USP34: variants seen among roughly 807,000 people sequenced by gnomAD.
The protein encoded by USP34 is ubiquitin specific peptidase 34, also known as ubiquitin carboxyl-terminal hydrolase 34.
A neutral mutation model predicts 460.3 loss-of-function variants in USP34; 70 were observed. That is an observed-to-expected ratio of 0.15 (90% CI 0.13 to 0.19). The LOEUF (loss-of-function observed/expected upper bound fraction) is 0.19. Among genes scored for constraint, USP34 ranks in the 10% least tolerant of loss-of-function variants. The pLI, the probability that USP34 is intolerant of heterozygous loss-of-function variation, is 1.00. For synonymous variants in USP34, 1,647 were observed against 1,405.3 expected (o/e 1.17, Z -3.85); for missense variants, 3,985 against 4,236.2 (o/e 0.94, Z 1.65).
At chr2:61,374,164 A>C (rs1338443371) in intron 8 of USP34, among the ~76,000 whole-genome samples, 17 of 151,226 alleles carry the variant, frequency 1.1e-4, no homozygotes, top group South Asian at 6.2e-4. Flanking sequence ...TCAGGGAAAA[A>C]AAAAAAAAAA....
At chr2:61,192,825 C>A in intron 76 of USP34, 76 bp downstream of exon 76, 1 of 1,256,396 alleles carries the variant, frequency 8.0e-7, no homozygotes, top group Non-Finnish European at 1.1e-6. Context: ...AAGTCTTCAA[C>A]CCACTGTTCC....
chr2:61,444,012 T>G (rs1317069720), intron 1 of USP34, among the ~76,000 whole-genome samples: 3 of 152,176 alleles, frequency 2.0e-5, no homozygotes, highest in African/African-American at 7.2e-5. Flanking sequence ...GGCTCATGCC[T>G]GTAACCCTAG....
At chr2:61,192,209 C>T (rs1432298751) in intron 76 of USP34, among the ~76,000 whole-genome samples, 1 of 152,206 alleles carries the variant, frequency 6.6e-6, no homozygotes, top group Non-Finnish European at 1.5e-5. Context: ...TGGGGTAGAG[C>T]AGATGCAACC....
intron 1 of USP34, among the ~76,000 whole-genome samples, chr2:61,431,116 T>C (rs1694664416): frequency 6.6e-6 from 1 of 152,198 alleles, no homozygotes; most frequent in South Asian, 2.1e-4. Flanking sequence ...AGGGAGAGAT[T>C]GGTTAATGAA....
chr2:61,354,769 C>T (rs1380197806), intron 10 of USP34, among the ~76,000 whole-genome samples: 1 of 152,152 alleles, frequency 6.6e-6, no homozygotes, highest in African/African-American at 2.4e-5. Flanking sequence ...AAGCCTGGAG[C>T]CTGGGCCCAG....
intron 10 of USP34, among the ~76,000 whole-genome samples, chr2:61,356,462 C>T (rs1413019414): frequency 1.3e-5 from 2 of 148,648 alleles, no homozygotes; most frequent in Middle Eastern, 6.8e-3. Flanking sequence ...AGCACTCCAG[C>T]CTGGGTGAAA....
intron 10 of USP34, among the ~76,000 whole-genome samples, chr2:61,362,165 G>C (rs1692295399): frequency 6.6e-6 from 1 of 152,142 alleles, no homozygotes; most frequent in Non-Finnish European, 1.5e-5. Flanking sequence ...ATAAATGTTA[G>C]CAAGAAATGT....
chr2:61,193,085 A>C (rs1319683906), intron 75 of USP34, 105 bp from the exon 76 acceptor site: 1 of 823,396 alleles, frequency 1.2e-6, no homozygotes, highest in Non-Finnish European at 1.9e-6. Flanking sequence ...TCATAACTGC[A>C]TATTTTCTAT....
At chr2:61,236,474 T>C (rs1360429418) in intron 53 of USP34, 85 bp from the exon 54 acceptor site, 1 of 1,011,534 alleles carries the variant, frequency 9.9e-7, no homozygotes, top group East Asian at 2.6e-5. Flanking sequence ...AAAAGTCTCT[T>C]CTAAAAAACC....
rs1372955107 is a variant in USP34 at position 61,187,942 on chromosome 2, G to A, written c.*160C>T. Reference sequence around the variant, plus strand: ...CTGAAGATGCAAGTTTTTTTCATCTGGAGTTCTGCCTGACCAAGAATTAAG... The same window carrying A: ...CTGAAGATGCAAGTTTTTTTCATCTAGAGTTCTGCCTGACCAAGAATTAAG... On this transcript the variant is annotated 3_prime_UTR_variant, in exon 80 of 80. Transcript: ENST00000398571. 1.4e-6 allele frequency: 2 copies of A among 1,432,272 alleles called. No homozygotes were observed. Among genetic ancestry groups the A allele is most frequent in the Middle Eastern group, 1.8e-4 (1 of 5,476 alleles). 88.7% of individuals were successfully genotyped at this position (1,432,272 alleles called of 1,614,324 possible). A position where few individuals can be genotyped will look rare whatever the true frequency, so the allele number is the denominator to read the frequency against.
At chr2:61,376,575 C>A (rs146847973) in intron 8 of USP34, among the ~76,000 whole-genome samples, 11 of 152,144 alleles carry the variant, frequency 7.2e-5, no homozygotes, top group African/African-American at 2.7e-4. Context: ...TCTCTTTAAG[C>A]GGTCTCGCGG....
At chr2:61,319,142 A>C (rs1465517629) in intron 22 of USP34, 31 bp downstream of exon 22, 2 of 1,527,938 alleles carry the variant, frequency 1.3e-6, no homozygotes, top group South Asian at 1.3e-5. Context: ...AACATGGAAA[A>C]ATAATAACAA....
intron 1 of USP34, among the ~76,000 whole-genome samples, chr2:61,421,956 A>G (rs1028824576): frequency 6.6e-6 from 1 of 152,218 alleles, no homozygotes; most frequent in East Asian, 1.9e-4. Context: ...GGGTTTAAAA[A>G]AAAATTACCT....
At chr2:61,374,638 C>G (rs915557175) in intron 8 of USP34, among the ~76,000 whole-genome samples, 1 of 151,394 alleles carries the variant, frequency 6.6e-6, no homozygotes, top group Non-Finnish European at 1.5e-5. Flanking sequence ...TGAGAGACTA[C>G]TTGCTCTGTT....
intron 48 of USP34, among the ~76,000 whole-genome samples, chr2:61,254,562 A>G (rs1558493272): frequency 2.0e-5 from 3 of 152,270 alleles, no homozygotes; most frequent in Admixed American, 1.3e-4. Context: ...AACTAACTGC[A>G]TAAGATGCTC....
intron 57 of USP34, among the ~76,000 whole-genome samples, chr2:61,235,081 A>AG (rs749763647): frequency 1.3e-4 from 20 of 152,300 alleles, no homozygotes; most frequent in Middle Eastern, 6.8e-3. Flanking sequence ...CTAAGGGAGG[A>AG]GATCTTGTGT....
Position 61,343,691 on chromosome 2 carries a change from G to A in USP34, c.2500+124C>T, listed in dbSNP as rs1338777048. The A allele has an allele frequency of 4.1e-6, 4 of 976,454 alleles. No individual in the cohort carries two copies. In the South Asian group the frequency reaches 5.3e-5, roughly 13 times the overall value. The allele number at this position is 976,454 out of a possible 1,614,324, so 60.5% of individuals were successfully genotyped here. A position where few individuals can be genotyped will look rare whatever the true frequency, so the allele number is the denominator to read the frequency against. ...GGGGGAAAAAAAAAAACTACCATAT[G>A]TAAGTTATTTTGACAAAAACATTTA... On this transcript the variant is annotated intron_variant, in intron 16 of 79. Transcript: ENST00000398571.
At chr2:61,389,988 G>A (rs552076399) in intron 5 of USP34, among the ~76,000 whole-genome samples, 1 of 152,032 alleles carries the variant, frequency 6.6e-6, no homozygotes, top group African/African-American at 2.4e-5. Context: ...CTAGTAAAGA[G>A]ATATCAAAAA....
intron 8 of USP34, among the ~76,000 whole-genome samples, chr2:61,375,344 A>T (rs1259379140): frequency 6.6e-6 from 1 of 152,230 alleles, no homozygotes; most frequent in Non-Finnish European, 1.5e-5. Context: ...GACAGCTCCA[A>T]TGAAAGTTAA....
Sources: gnomAD v4.1 joint callset for allele counts (sites outside exome capture counted in the v4.1 genomes callset) on GRCh38, gnomAD v4.1.1 for gene constraint, MANE v1.5 for transcripts, NCBI Gene and HGNC (gene_info 2026-07-23, HGNC 2026-07-21) for gene names.